GMDS: variants seen among roughly 807,000 people sequenced by gnomAD.
GMDS encodes GDP-mannose 4,6-dehydratase.
Under a neutral mutation model 49.9 loss-of-function variants are expected in GMDS, and 20 were observed. That is an observed-to-expected ratio of 0.40 (90% CI 0.28 to 0.58). The LOEUF (loss-of-function observed/expected upper bound fraction) is 0.58, where lower values mean the gene tolerates loss of function less well. GMDS is among the 20% of genes least tolerant of loss of function. GMDS has a pLI of 0.42. For missense variants in GMDS, 362 were observed against 481.4 expected, an observed-to-expected ratio of 0.75 and a Z score of 2.32; for synonymous variants, 177 against 178.6, an observed-to-expected ratio of 0.99 and a Z score of 0.07.
At chr6:2,054,253 T>G (rs1037574393) in intron 4 of GMDS, among the ~76,000 whole-genome samples, 3 of 151,992 alleles carry the variant, frequency 2.0e-5, no homozygotes, top group African/African-American at 7.2e-5. Flanking sequence ...CAGAAGAAAT[T>G]TTAAAAGACC....
chr6:1,877,644 T>TAAAAA (rs60037634), intron 7 of GMDS, among the ~76,000 whole-genome samples: 23 of 90,522 alleles, frequency 2.5e-4, no homozygotes, highest in African/African-American at 5.5e-4. Flanking sequence ...TCTCAAAAAT[T>TAAAAA]AAAAAAAAAA....
intron 1 of GMDS, among the ~76,000 whole-genome samples, chr6:2,223,149 CTA>C (rs531975981): frequency 6.7e-6 from 1 of 149,222 alleles, no homozygotes; most frequent in African/African-American, 2.4e-5. Context: ...CTCTCTCTCT[CTA>C]TATATATATA....
intron 7 of GMDS, among the ~76,000 whole-genome samples, chr6:1,862,876 G>C (rs564747807): frequency 6.6e-6 from 1 of 152,136 alleles, no homozygotes; most frequent in Non-Finnish European, 1.5e-5. Flanking sequence ...AGTCTTTCAA[G>C]CAACATTGTC....
chr6:1,632,916 G>A (rs1354452782), intron 9 of GMDS, among the ~76,000 whole-genome samples: 2 of 152,132 alleles, frequency 1.3e-5, no homozygotes, highest in Non-Finnish European at 2.9e-5. Context: ...CCAACATGGC[G>A]GCATTGCTGG....
intron 7 of GMDS, among the ~76,000 whole-genome samples, chr6:1,755,875 A>G (rs940495659): frequency 2.6e-5 from 4 of 152,238 alleles, no homozygotes; most frequent in African/African-American, 9.6e-5. Context: ...CTAAAACACC[A>G]AAAGCAATGG....
chr6:1,707,184 A>T (rs575822242), intron 9 of GMDS, among the ~76,000 whole-genome samples: 1 of 152,344 alleles, frequency 6.6e-6, no homozygotes, highest in African/African-American at 2.4e-5. Flanking sequence ...GAATAGAAGG[A>T]ATTAAAATTA....
rs192821980 is a variant in GMDS at position 1,664,799 on chromosome 6, G to A, written c.988-40259C>T. On this transcript the variant is annotated intron_variant, in intron 9 of 10. Transcript: ENST00000380815. ...TAGTAGTAAAGAGGCTTCACATGTG[G>A]GTAGAGATTTTTTAAAAATCTCATT... 3.8e-4 allele frequency among the ~76,000 whole-genome samples: 58 copies of A among 152,276 alleles called. 1 individual carries two copies. In the East Asian group the frequency reaches 6.8e-3, roughly 18 times the overall value.
At chr6:1,990,077 A>G (rs890596310) in intron 4 of GMDS, among the ~76,000 whole-genome samples, 1 of 152,246 alleles carries the variant, frequency 6.6e-6, no homozygotes, top group Non-Finnish European at 1.5e-5. Flanking sequence ...CGGGTGGATC[A>G]TGAGGTCAGG....
intron 6 of GMDS, among the ~76,000 whole-genome samples, chr6:1,945,729 G>A (rs996721150): frequency 2.6e-5 from 4 of 152,094 alleles, no homozygotes; most frequent in Non-Finnish European, 4.4e-5. Context: ...GGGAAACATC[G>A]TGAAACCCTG....
intron 7 of GMDS, among the ~76,000 whole-genome samples, chr6:1,926,093 T>C (rs1761992179): frequency 6.6e-6 from 1 of 152,150 alleles, no homozygotes; most frequent in Non-Finnish European, 1.5e-5. Context: ...ACCATCTCTC[T>C]TCTGGTTCCC....
At chr6:1,645,079 GCA>G (rs1763445772) in intron 9 of GMDS, among the ~76,000 whole-genome samples, 1 of 152,058 alleles carries the variant, frequency 6.6e-6, no homozygotes, top group African/African-American at 2.4e-5. Flanking sequence ...GGGATTACAG[GCA>G]TGTGCCACCA....
At chr6:2,155,649 C>T (rs527597377) in intron 1 of GMDS, among the ~76,000 whole-genome samples, 10 of 152,216 alleles carry the variant, frequency 6.6e-5, no homozygotes, top group African/African-American at 1.4e-4. Context: ...TCAGGCACCA[C>T]GTTCACAGGA....
At chr6:1,844,946 G>C (rs1171116390) in intron 7 of GMDS, among the ~76,000 whole-genome samples, 1 of 152,184 alleles carries the variant, frequency 6.6e-6, no homozygotes, top group African/African-American at 2.4e-5. Context: ...CCCTATTCAG[G>C]AAGGAAAATT....
chr6:1,817,354 C>A (rs1473034487), intron 7 of GMDS, among the ~76,000 whole-genome samples: 3 of 152,140 alleles, frequency 2.0e-5, no homozygotes, highest in Non-Finnish European at 4.4e-5. Flanking sequence ...TTCTTCCCCC[C>A]ACGTATAATA....
chr6:2,213,962 CT>C (rs1225628678), intron 1 of GMDS, among the ~76,000 whole-genome samples: 1 of 152,140 alleles, frequency 6.6e-6, no homozygotes, highest in East Asian at 1.9e-4. Flanking sequence ...ATAAACCTGC[CT>C]TTGGGCTCCT....
intron 9 of GMDS, among the ~76,000 whole-genome samples, chr6:1,706,485 C>T (rs527465498): frequency 5.9e-5 from 9 of 152,300 alleles, no homozygotes; most frequent in African/African-American, 1.2e-4. Flanking sequence ...CTGATGAGAA[C>T]GATGCTGAAG....
intron 9 of GMDS, among the ~76,000 whole-genome samples, chr6:1,644,789 C>T (rs963433212): frequency 3.9e-5 from 6 of 152,222 alleles, no homozygotes; most frequent in African/African-American, 1.4e-4. Flanking sequence ...GCACCCACTG[C>T]AAGCTCTGAC....
chr6:2,245,270 G>A, intron 1 of GMDS, 51 bp downstream of exon 1: 1 of 1,215,578 alleles, frequency 8.2e-7, no homozygotes, highest in South Asian at 1.3e-5. Flanking sequence ...CGTAGGGAGA[G>A]CACGCGTGCC....
chr6:1,714,258 T>C (rs1766091731), intron 9 of GMDS, among the ~76,000 whole-genome samples: 1 of 152,190 alleles, frequency 6.6e-6, no homozygotes, highest in African/African-American at 2.4e-5. Flanking sequence ...GACCTCGTGA[T>C]CCACCTGCCT....
Sources: allele counts gnomAD v4.1 joint callset (sites outside exome capture counted in the v4.1 genomes callset), GRCh38; gene constraint gnomAD v4.1.1; transcripts MANE v1.5; gene names NCBI Gene and HGNC (gene_info 2026-07-23, HGNC 2026-07-21).